Variants in EDA observed in about 807,000 individuals in gnomAD.
EDA encodes ectodysplasin A.
Under a neutral mutation model 23.6 loss-of-function variants are expected in EDA, and 2 were observed. The observed-to-expected ratio is 0.08, with a 90% CI of 0.03 to 0.27. The LOEUF (loss-of-function observed/expected upper bound fraction) is 0.27, where lower values mean the gene tolerates loss of function less well. EDA is among the 10% of genes least tolerant of loss of function. The pLI is 1.00. For synonymous variants in EDA, 131 were observed against 132.0 expected (o/e 0.99, Z 0.05); for missense variants, 229 against 324.2 (o/e 0.71, Z 2.26).
At chrX:69,739,877 T>C (rs2013394698) in intron 1 of EDA, among the ~76,000 whole-genome samples, 1 of 111,435 alleles carries the variant, frequency 9.0e-6, no homozygotes, top group South Asian at 3.7e-4. Context: ...AAAAACATTG[T>C]TATATGTATT....
intron 1 of EDA, among the ~76,000 whole-genome samples, chrX:69,672,082 A>G (rs1268743610): frequency 8.9e-6 from 1 of 111,900 alleles, no homozygotes; most frequent in Non-Finnish European, 1.9e-5. Context: ...ACTTCTGCCA[A>G]TTGGTAAGAT....
chrX:69,861,858 A>T (rs2017392134), intron 1 of EDA, among the ~76,000 whole-genome samples: 1 of 111,924 alleles, frequency 8.9e-6, no homozygotes, highest in Non-Finnish European at 1.9e-5. Flanking sequence ...AGAATCCATG[A>T]GGACAAAGAG....
intron 1 of EDA, among the ~76,000 whole-genome samples, chrX:69,758,000 T>G (rs996281995): frequency 8.9e-6 from 1 of 112,100 alleles, no homozygotes. Context: ...CATTATGGAG[T>G]CATCATGCTC....
chrX:69,754,148 C>T (rs754720939), intron 1 of EDA, among the ~76,000 whole-genome samples: 50 of 112,070 alleles, frequency 4.5e-4, no homozygotes, highest in Non-Finnish European at 6.0e-4. Flanking sequence ...TTAGTTGATG[C>T]ACTTTCTTCC....
intron 1 of EDA, among the ~76,000 whole-genome samples, chrX:69,868,888 A>C (rs140418754): frequency 0.018 from 2,024 of 111,922 alleles, 20 homozygotes; most frequent in Middle Eastern, 0.087. Context: ...TGGAGTTACC[A>C]CTTGGTTAAG....
At chrX:70,033,042 T>C (rs937310758) in intron 6 of EDA, among the ~76,000 whole-genome samples, 3 of 112,945 alleles carry the variant, frequency 2.7e-5, no homozygotes, top group Non-Finnish European at 5.6e-5. Context: ...AGTGTCTGAA[T>C]TTTGCCTGTG....
At chrX:69,679,199 T>A (rs1265039489) in intron 1 of EDA, among the ~76,000 whole-genome samples, 1 of 108,371 alleles carries the variant, frequency 9.2e-6, no homozygotes, top group Non-Finnish European at 1.9e-5. Context: ...ATAAGCTTTT[T>A]GATGTGCTGC....
intron 1 of EDA, among the ~76,000 whole-genome samples, chrX:69,724,408 A>G (rs2012711970): frequency 1.8e-5 from 2 of 111,292 alleles, no homozygotes; most frequent in South Asian, 7.6e-4. Context: ...TTTTTAAGAA[A>G]CATATTCTGG....
intron 2 of EDA, among the ~76,000 whole-genome samples, chrX:70,017,184 AATAAT>A (rs2019963200): frequency 8.9e-6 from 1 of 112,028 alleles, no homozygotes; most frequent in African/African-American, 3.2e-5. Context: ...TGAACAGACC[AATAAT>A]GAGCTCCAAA....
At position 69,856,878 on chromosome X, in the gene EDA, G is replaced by C. The variant is rs1446364208; in HGVS notation, c.397-100149G>C. On this transcript the variant is annotated intron_variant, in intron 1 of 7. Coordinates refer to ENST00000374552, the MANE Select transcript of EDA (RefSeq NM_001399.5). Reference sequence around the variant, plus strand: ...TCCAAAAGCTCTTTAGTTTAATTAAGTCCCACCTATTTGACTTTGTTTTTG... The same window carrying C: ...TCCAAAAGCTCTTTAGTTTAATTAACTCCCACCTATTTGACTTTGTTTTTG... Among the ~76,000 whole-genome samples, 3 of 111,621 alleles carry C rather than the reference G, an allele frequency of 2.7e-5. No homozygotes were observed. The Admixed American group carries it at 2.9e-4, about 11-fold the overall frequency.
chrX:69,939,512 A>G (rs2018725444), intron 1 of EDA, among the ~76,000 whole-genome samples: 2 of 111,538 alleles, frequency 1.8e-5, no homozygotes, highest in Non-Finnish European at 1.9e-5. Context: ...TTCCACATAT[A>G]AGATCATTTC....
At chrX:69,707,625 C>T (rs2011781990) in intron 1 of EDA, among the ~76,000 whole-genome samples, 1 of 111,470 alleles carries the variant, frequency 9.0e-6, no homozygotes. Context: ...GGAGTTTTCC[C>T]ACTGTGCCCA....
At chrX:69,964,069 T>A (rs772834556) in intron 2 of EDA, among the ~76,000 whole-genome samples, 3 of 111,288 alleles carry the variant, frequency 2.7e-5, no homozygotes, top group Non-Finnish European at 3.8e-5. Context: ...GTCTACTCAG[T>A]CTCTCTAAAG....
intron 1 of EDA, among the ~76,000 whole-genome samples, chrX:69,775,325 C>T (rs992462038): frequency 2.7e-5 from 3 of 111,664 alleles, no homozygotes; most frequent in Non-Finnish European, 1.9e-5. Flanking sequence ...CATACAACCA[C>T]CTTCCCTTCT....
chrX:70,017,022 G>A (rs2019959342), intron 2 of EDA, among the ~76,000 whole-genome samples: 1 of 107,877 alleles, frequency 9.3e-6, no homozygotes, highest in East Asian at 3.3e-4. Context: ...GACAAAAGGG[G>A]CATTACCATC....
chrX:69,643,211 TA>T (rs752347837), intron 1 of EDA, among the ~76,000 whole-genome samples: 2,698 of 106,065 alleles, frequency 0.025, 32 homozygotes, highest in Middle Eastern at 0.048. Flanking sequence ...ACATATATGG[TA>T]AAAAAAAAAG....
intron 1 of EDA, among the ~76,000 whole-genome samples, chrX:69,876,059 G>A (rs1032875719): frequency 2.7e-5 from 3 of 111,766 alleles, no homozygotes; most frequent in Non-Finnish European, 5.6e-5. Context: ...TAGCACAACC[G>A]CTATGAAATA....
chrX:69,887,340 G>T (rs957292424), intron 1 of EDA, among the ~76,000 whole-genome samples: 1 of 110,892 alleles, frequency 9.0e-6, no homozygotes, highest in African/African-American at 3.3e-5. Flanking sequence ...ATAAAATTAA[G>T]AAAATAATTC....
At chrX:69,633,236 A>T (rs755981571) in intron 1 of EDA, among the ~76,000 whole-genome samples, 23 of 112,003 alleles carry the variant, frequency 2.1e-4, no homozygotes, top group Non-Finnish European at 4.3e-4. Flanking sequence ...AATTTTTGAT[A>T]ATAAGCAGAG....
Sources: gnomAD v4.1 joint callset for allele counts (sites outside exome capture counted in the v4.1 genomes callset) on GRCh38, gnomAD v4.1.1 for gene constraint, MANE v1.5 for transcripts, NCBI Gene and HGNC (gene_info 2026-07-23, HGNC 2026-07-21) for gene names.